The following NEGR1 variants were observed in gnomAD, a reference collection of about 807,000 sequenced individuals.
The protein encoded by NEGR1 is IgLON family member 4.
A neutral mutation model predicts 40.9 loss-of-function variants in NEGR1; 10 were observed. The ratio of observed to expected loss-of-function variants is 0.24; its 90% CI spans 0.15 to 0.42. NEGR1 has a LOEUF of 0.42. Ranked by LOEUF, NEGR1 falls within the 10% of genes least tolerant of loss-of-function variation. NEGR1 has a pLI of 1.00. For synonymous variants in NEGR1, 185 were observed against 166.8 expected, an observed-to-expected ratio of 1.11 and a Z score of -0.84; for missense variants, 352 against 438.9, an observed-to-expected ratio of 0.80 and a Z score of 1.77.
chr1:72,034,615 A>G (rs1313744956), intron 1 of NEGR1, among the ~76,000 whole-genome samples: 2 of 152,190 alleles, frequency 1.3e-5, no homozygotes, highest in Non-Finnish European at 2.9e-5. Flanking sequence ...TTAGTGGACA[A>G]TTGCTGCCAC....
chr1:71,894,837 G>T (rs987083063), intron 2 of NEGR1, among the ~76,000 whole-genome samples: 1 of 152,120 alleles, frequency 6.6e-6, no homozygotes, highest in African/African-American at 2.4e-5. Flanking sequence ...GAGCCCAGGA[G>T]TTTGAGGATA....
At chr1:72,259,900 C>T (rs1034969632) in intron 1 of NEGR1, among the ~76,000 whole-genome samples, 3 of 151,944 alleles carry the variant, frequency 2.0e-5, no homozygotes, top group Admixed American at 6.6e-5. Context: ...ATTCTTATTC[C>T]TCTATTTCAG....
At chr1:71,979,252 T>C (rs922911988) in intron 1 of NEGR1, among the ~76,000 whole-genome samples, 4 of 152,002 alleles carry the variant, frequency 2.6e-5, no homozygotes, top group African/African-American at 9.7e-5. Flanking sequence ...AAATAACTAT[T>C]GCGTACTAGG....
intron 5 of NEGR1, among the ~76,000 whole-genome samples, chr1:71,602,484 C>T (rs1283745120): frequency 2.6e-5 from 4 of 151,518 alleles, no homozygotes; most frequent in Non-Finnish European, 4.4e-5. Flanking sequence ...ATCTCCTGAC[C>T]TCGTGATCCG....
rs1335768364 is a variant in NEGR1, at chr1:71,404,609, C to A, written c.*2837G>T. On this transcript the variant is annotated 3_prime_UTR_variant, in exon 7 of 7. Coordinates refer to ENST00000357731, the MANE Select transcript of NEGR1 (RefSeq NM_173808.3). ...CCTTCCTTTTTTTCCCTCTTTACTGCCTTTCCTTTTCATTCTTTTTCTTTT... is the reference window on the plus strand; with the variant it reads ...CCTTCCTTTTTTTCCCTCTTTACTGACTTTCCTTTTCATTCTTTTTCTTTT... 6.6e-6 allele frequency: 1 copy of A among 150,606 alleles called. No individual in the cohort carries two copies. Among genetic ancestry groups the A allele is most frequent in the African/African-American group, 2.4e-5 (1 of 41,070 alleles). 9.3% of individuals were successfully genotyped at this position (150,606 alleles called of 1,614,324 possible).
intron 1 of NEGR1, among the ~76,000 whole-genome samples, chr1:72,206,670 C>A (rs1222965856): frequency 6.6e-6 from 1 of 151,928 alleles, no homozygotes; most frequent in African/African-American, 2.4e-5. Context: ...CAGAAGGAAA[C>A]AAGTCATGTT....
At chr1:72,086,136 A>C (rs1648212146) in intron 1 of NEGR1, among the ~76,000 whole-genome samples, 1 of 152,160 alleles carries the variant, frequency 6.6e-6, no homozygotes, top group Non-Finnish European at 1.5e-5. Flanking sequence ...ATTATCAACC[A>C]TATGATATTT....
At chr1:71,578,999 A>T (rs1649045693) in intron 6 of NEGR1, among the ~76,000 whole-genome samples, 1 of 152,196 alleles carries the variant, frequency 6.6e-6, no homozygotes, top group Non-Finnish European at 1.5e-5. Flanking sequence ...GGATAATTTC[A>T]CATGCATTAT....
In NEGR1 at chr1:71,541,119, T is replaced by C. The variant is rs573066027; in HGVS notation, c.940+51698A>G. On this transcript the variant is annotated intron_variant, in intron 6 of 6. Transcript: ENST00000357731. ...CATGAGATTTAAGCGGGGACAAATA[T>C]CCAAACTATATCAGAATCAGACAGA... Among the ~76,000 whole-genome samples the C allele has an allele frequency of 1.1e-3, 169 of 151,700 alleles. 1 individual carries two copies. Among genetic ancestry groups the C allele is most frequent in the African/African-American group, 3.9e-3 (163 of 41,458 alleles).
At chr1:71,706,327 T>C (rs924723181) in intron 3 of NEGR1, among the ~76,000 whole-genome samples, 1 of 152,134 alleles carries the variant, frequency 6.6e-6, no homozygotes, top group Non-Finnish European at 1.5e-5. Context: ...CCAAGTGGTT[T>C]GAATTTGAGT....
At chr1:71,943,358 T>C (rs1645990007) in intron 1 of NEGR1, among the ~76,000 whole-genome samples, 1 of 150,956 alleles carries the variant, frequency 6.6e-6, no homozygotes, top group South Asian at 2.1e-4. Context: ...CATATATATG[T>C]ATATATAACA....
intron 2 of NEGR1, among the ~76,000 whole-genome samples, chr1:71,874,047 C>G (rs1335475467): frequency 6.6e-6 from 1 of 152,100 alleles, no homozygotes; most frequent in Non-Finnish European, 1.5e-5. Context: ...GTATTCTAAT[C>G]TAGTTTATCC....
chr1:71,690,565 AACACACACACACACAC>A (rs3980432), intron 4 of NEGR1, among the ~76,000 whole-genome samples: 3 of 119,182 alleles, frequency 2.5e-5, no homozygotes, highest in Non-Finnish European at 3.4e-5. Flanking sequence ...TAAGTTATAT[AACACACACACACACAC>A]ACACACACAC....
At chr1:71,996,462 A>G (rs1217351317) in intron 1 of NEGR1, among the ~76,000 whole-genome samples, 1 of 152,282 alleles carries the variant, frequency 6.6e-6, no homozygotes, top group Admixed American at 6.5e-5. Context: ...AATCAGTTCC[A>G]TCATTTTTTA....
In NEGR1 at chr1:72,270,062, G is replaced by A. The variant is rs555958482; in HGVS notation, c.176+12257C>T. Among the ~76,000 whole-genome samples the A allele has an allele frequency of 7.2e-4, 110 of 151,882 alleles. 1 individual carries two copies. The highest frequency in any genetic ancestry group is 1.5e-3 in the Non-Finnish European group (99 of 67,820). On this transcript the variant is annotated intron_variant, in intron 1 of 6. Transcript: ENST00000357731. ...GTAAGAGTTACAAGATAATGAGAAAGGCACTGGGCTTGGGATAAAGGACTT... is the reference window on the plus strand; with the variant it reads ...GTAAGAGTTACAAGATAATGAGAAAAGCACTGGGCTTGGGATAAAGGACTT...
intron 1 of NEGR1, among the ~76,000 whole-genome samples, chr1:72,240,104 A>G (rs1228064759): frequency 6.6e-6 from 1 of 151,912 alleles, no homozygotes; most frequent in African/African-American, 2.4e-5. Context: ...TGAAGCAAGA[A>G]CAAACATTAA....
chr1:71,679,910 A>G lies in NEGR1; in HGVS notation c.667+18098T>C, dbSNP rs562680815. 2.0e-5 allele frequency among the ~76,000 whole-genome samples: 3 copies of G among 152,106 alleles called. No individual in the cohort carries two copies. In the South Asian group the frequency reaches 6.2e-4, roughly 31 times the overall value. On this transcript the variant is annotated intron_variant, in intron 4 of 6. Transcript: ENST00000357731. ...GTTGTTTTATTAATTTTTTTCTTGA[A>G]TTTATGAAATGACCTATGGTTTTTC...
rs1434383300 is a variant in NEGR1 at position 71,544,603 on chromosome 1, AC to A, written c.940+48213del. ...GATCTTAGTGCCTGGCACATAAAAAACATTATAAAGTTAGTATTATTATTAA... is the reference window on the plus strand; with the variant it reads ...GATCTTAGTGCCTGGCACATAAAAAAATTATAAAGTTAGTATTATTATTAA... On this transcript the variant is annotated intron_variant, in intron 6 of 6. Transcript: ENST00000357731. Among the ~76,000 whole-genome samples the A allele has an allele frequency of 2.0e-5, 3 of 151,834 alleles. No individual in the cohort carries two copies. The East Asian group carries it at 5.9e-4, about 30-fold the overall frequency.
chr1:71,621,810 A>C (rs976844188), intron 4 of NEGR1, among the ~76,000 whole-genome samples: 16 of 151,820 alleles, frequency 1.1e-4, no homozygotes, highest in Admixed American at 1.1e-3. Flanking sequence ...AAGGGGTTGA[A>C]TTTACTAAGC....
Sources: gnomAD v4.1 joint callset for allele counts (sites outside exome capture counted in the v4.1 genomes callset) on GRCh38, gnomAD v4.1.1 for gene constraint, MANE v1.5 for transcripts, NCBI Gene and HGNC (gene_info 2026-07-23, HGNC 2026-07-21) for gene names.